The following NUP133 variants were observed in gnomAD, a reference collection of about 807,000 sequenced individuals.
NUP133 encodes nuclear pore complex protein Nup133.
A neutral mutation model predicts 146.2 loss-of-function variants in NUP133; 66 were observed. The observed-to-expected ratio is 0.45, with a 90% CI of 0.37 to 0.55. The LOEUF (loss-of-function observed/expected upper bound fraction) is 0.55, where lower values mean the gene tolerates loss of function less well. Among genes scored for constraint, NUP133 ranks in the 20% least tolerant of loss-of-function variants. NUP133 has a pLI of 0.00. For synonymous variants in NUP133, 521 were observed against 498.8 expected, an observed-to-expected ratio of 1.04 and a Z score of -0.59; for missense variants, 1,277 against 1,374.8, an observed-to-expected ratio of 0.93 and a Z score of 1.12.
At chr1:229,443,637 G>A (rs942548388) in intron 25 of NUP133, among the ~76,000 whole-genome samples, 1 of 151,384 alleles carries the variant, frequency 6.6e-6, no homozygotes, top group African/African-American at 2.4e-5. Flanking sequence ...TATTAAGAAG[G>A]TTCCAAAAGT....
rs555127738 is a variant in NUP133, at chr1:229,440,745, T to C, written c.*1159A>G. 1 of 152,506 alleles carries C rather than the reference T, an allele frequency of 6.6e-6. No individual in the cohort carries two copies. Among genetic ancestry groups the C allele is most frequent in the Non-Finnish European group, 1.5e-5 (1 of 68,152 alleles). The allele number at this position is 152,506 out of a possible 1,614,324, so 9.4% of individuals were successfully genotyped here. On this transcript the variant is annotated 3_prime_UTR_variant, in exon 26 of 26. Coordinates refer to ENST00000261396, the MANE Select transcript of NUP133 (RefSeq NM_018230.3). Reference sequence around the variant, plus strand: ...CCTAATGCTGTCCTAACATACAAGCTGCAAAGAGAAAAAGAACAGGCTGCT... The same window carrying C: ...CCTAATGCTGTCCTAACATACAAGCCGCAAAGAGAAAAAGAACAGGCTGCT...
At chr1:229,465,832 G>C (rs1660796889) in intron 16 of NUP133, among the ~76,000 whole-genome samples, 1 of 148,638 alleles carries the variant, frequency 6.7e-6, no homozygotes, top group Admixed American at 6.8e-5. Flanking sequence ...GGAGGCTGCA[G>C]TGAGCTATAA....
At chr1:229,456,743 GTA>G (rs35686668) in intron 21 of NUP133, among the ~76,000 whole-genome samples, 6 of 149,786 alleles carry the variant, frequency 4.0e-5, no homozygotes, top group African/African-American at 1.5e-4. Flanking sequence ...TGTGTATTGT[GTA>G]TATATATATA....
At chr1:229,448,297 A>T (rs1006015975) in intron 24 of NUP133, among the ~76,000 whole-genome samples, 1 of 152,138 alleles carries the variant, frequency 6.6e-6, no homozygotes, top group Non-Finnish European at 1.5e-5. Context: ...GGCTGGTGGT[A>T]CATGCCTGTA....
intron 8 of NUP133, among the ~76,000 whole-genome samples, chr1:229,492,540 C>T (rs1661553580): frequency 6.6e-6 from 1 of 152,054 alleles, no homozygotes; most frequent in Admixed American, 6.6e-5. Flanking sequence ...AATCCTAGCA[C>T]GGCTCATTTT....
chr1:229,456,306 T>A (rs943022590), intron 21 of NUP133, among the ~76,000 whole-genome samples: 1 of 152,196 alleles, frequency 6.6e-6, no homozygotes, highest in African/African-American at 2.4e-5. Flanking sequence ...GGTGACCAGT[T>A]ATTCACCGTG....
At chr1:229,489,817 A>G in intron 9 of NUP133, 138 bp downstream of exon 9, 1 of 616,074 alleles carries the variant, frequency 1.6e-6, no homozygotes, top group Non-Finnish European at 2.5e-6. Context: ...CAGAGGTTGC[A>G]GTGAGCTGAG....
At chr1:229,470,029 G>T (rs1438791208) in intron 15 of NUP133, among the ~76,000 whole-genome samples, 1 of 152,034 alleles carries the variant, frequency 6.6e-6, no homozygotes, top group African/African-American at 2.4e-5. Flanking sequence ...AGTGCCCCCT[G>T]CCCCCAGAAA....
At chr1:229,490,279 T>C (rs1457121533) in intron 8 of NUP133, among the ~76,000 whole-genome samples, 177 bp from the exon 9 acceptor site, 4 of 152,090 alleles carry the variant, frequency 2.6e-5, no homozygotes, top group Non-Finnish European at 4.4e-5. Context: ...AAAACCTGTG[T>C]ACAAATGACT....
At chr1:229,466,111 TAA>T (rs1660808169) in intron 16 of NUP133, among the ~76,000 whole-genome samples, 1 of 152,114 alleles carries the variant, frequency 6.6e-6, no homozygotes, top group Admixed American at 6.5e-5. Context: ...TAGTCAATAG[TAA>T]AAGTAGCAAG....
Position 229,464,847 on chromosome 1 carries a change from C to A in NUP133, c.2328G>T (p.Thr776=). The A allele has an allele frequency of 6.2e-7, 1 of 1,614,138 alleles. No homozygotes were observed. Among genetic ancestry groups the A allele is most frequent in the Non-Finnish European group, 8.5e-7 (1 of 1,180,016 alleles). ...CAATCTCATGCTGGCGTATTATTAC[C>A]GTTCGGATGCCACCAGGACCACTTG... ...TATSGPGGIR[T]VIIRQHEIVL... The change falls in exon 18 of 26, where the codon ACG becomes ACT. Residue 776 remains threonine (T), a synonymous_variant. Transcript: ENST00000261396.
chr1:229,469,945 G>A (rs1418452999), intron 15 of NUP133, among the ~76,000 whole-genome samples: 1 of 152,196 alleles, frequency 6.6e-6, no homozygotes, highest in African/African-American at 2.4e-5. Flanking sequence ...AGAATTGCTT[G>A]AAGCCAGGAG....
chr1:229,443,440 T>C (rs1419418235), intron 25 of NUP133, among the ~76,000 whole-genome samples: 1 of 152,216 alleles, frequency 6.6e-6, no homozygotes, highest in Non-Finnish European at 1.5e-5. Context: ...TTGTTCTGTA[T>C]GTATAATGTA....
At chr1:229,472,265 G>A (rs1040141098) in intron 14 of NUP133, among the ~76,000 whole-genome samples, 1 of 149,892 alleles carries the variant, frequency 6.7e-6, no homozygotes, top group African/African-American at 2.5e-5. Context: ...CTTGCAGTGA[G>A]CAGAGATTGC....
At chr1:229,457,969 C>T (rs1366366261) in intron 21 of NUP133, among the ~76,000 whole-genome samples, 192 bp downstream of exon 21, 1 of 152,162 alleles carries the variant, frequency 6.6e-6, no homozygotes, top group Admixed American at 6.5e-5. Flanking sequence ...ATTTAAAATA[C>T]AAACTACTTT....
intron 24 of NUP133, among the ~76,000 whole-genome samples, chr1:229,447,565 T>C (rs1254477465): frequency 6.6e-6 from 1 of 151,358 alleles, no homozygotes; most frequent in Non-Finnish European, 1.5e-5. Context: ...ATAATTAGAG[T>C]TGGGACTTTT....
chr1:229,506,660 A>G (rs1661946557), intron 1 of NUP133, among the ~76,000 whole-genome samples: 1 of 151,892 alleles, frequency 6.6e-6, no homozygotes, highest in Non-Finnish European at 1.5e-5. Context: ...TAATCTCAGC[A>G]CTTTGGGAGG....
intron 20 of NUP133, among the ~76,000 whole-genome samples, chr1:229,458,590 G>A (rs748038107): frequency 1.8e-4 from 28 of 151,972 alleles, no homozygotes; most frequent in Non-Finnish European, 2.5e-4. Flanking sequence ...TAATTTGTAT[G>A]TTTTTACTCA....
At chr1:229,494,755 C>T (rs980785148) in intron 8 of NUP133, among the ~76,000 whole-genome samples, 4 of 152,166 alleles carry the variant, frequency 2.6e-5, no homozygotes, top group Admixed American at 2.6e-4. Flanking sequence ...CTTATCCCAT[C>T]CTTAACTCAG....
Sources: allele counts gnomAD v4.1 joint callset (sites outside exome capture counted in the v4.1 genomes callset), GRCh38; gene constraint gnomAD v4.1.1; transcripts MANE v1.5; gene names NCBI Gene and HGNC (gene_info 2026-07-23, HGNC 2026-07-21).